The following BMPR2 variants were observed in gnomAD, a reference collection of about 807,000 sequenced individuals.
BMPR2 encodes bone morphogenetic protein receptor type-2.
BMPR2 carries 29 observed loss-of-function variants against 100.8 expected under a neutral mutation model. The ratio of observed to expected loss-of-function variants is 0.29; its 90% CI spans 0.21 to 0.39. The LOEUF is 0.39. Ranked by LOEUF, BMPR2 falls within the 10% of genes least tolerant of loss-of-function variation. The pLI, the probability that BMPR2 is intolerant of heterozygous loss-of-function variation, is 1.00. For synonymous variants in BMPR2, 382 were observed against 442.3 expected (o/e 0.86, Z 1.71); for missense variants, 1,011 against 1,274.5 (o/e 0.79, Z 3.15).
At chr2:202,479,396 G>A (rs955600640) in intron 3 of BMPR2, among the ~76,000 whole-genome samples, 2 of 152,110 alleles carry the variant, frequency 1.3e-5, no homozygotes, top group African/African-American at 4.8e-5. Context: ...AAAAGATCCT[G>A]GCAGAGCACT....
chr2:202,384,077 C>A (rs898312472), intron 1 of BMPR2, among the ~76,000 whole-genome samples: 6 of 151,734 alleles, frequency 4.0e-5, no homozygotes, highest in African/African-American at 1.2e-4. Context: ...GAGGCTGAGG[C>A]AGGAGAATCA....
At chr2:202,429,351 A>G (rs1273540623) in intron 1 of BMPR2, among the ~76,000 whole-genome samples, 1 of 352 alleles carries the variant, frequency 2.8e-3, no homozygotes, top group Non-Finnish European at 0.013. Flanking sequence ...ATCATTTCCT[A>G]CTACTACTCC....
chr2:202,410,306 A>G (rs1000267781), intron 1 of BMPR2, among the ~76,000 whole-genome samples: 1 of 152,078 alleles, frequency 6.6e-6, no homozygotes, highest in Admixed American at 6.6e-5. Flanking sequence ...TTTCTAAATA[A>G]CATTCTCCAC....
rs547924780 is a variant in BMPR2, at chr2:202,494,330, A to G, written c.419-19389A>G. 2.6e-5 allele frequency among the ~76,000 whole-genome samples: 4 copies of G among 152,324 alleles called. No individual in the cohort carries two copies. In the South Asian group the frequency reaches 6.2e-4, roughly 24 times the overall value. On this transcript the variant is annotated intron_variant, in intron 3 of 12. Coordinates refer to ENST00000374580, the MANE Select transcript of BMPR2 (RefSeq NM_001204.7). ...AAAAGATTAAGGAGCTGACATAACC[A>G]CTAGTGTGTTATATTTAAGCTTCCC... is the stretch of plus-strand genomic sequence containing the variant.
At chr2:202,420,460 G>T (rs1344185227) in intron 1 of BMPR2, among the ~76,000 whole-genome samples, 1 of 151,708 alleles carries the variant, frequency 6.6e-6, no homozygotes, top group Non-Finnish European at 1.5e-5. Context: ...GAAGGATGAG[G>T]CCTGCTAACA....
At chr2:202,469,439 T>C (rs1358020811) in intron 3 of BMPR2, 2 of 279,340 alleles carry the variant, frequency 7.2e-6, no homozygotes, top group Non-Finnish European at 1.4e-5. Flanking sequence ...CTTCACAGTA[T>C]ACGCAAACTG....
chr2:202,405,240 A>G (rs1424281426), intron 1 of BMPR2, among the ~76,000 whole-genome samples: 1 of 152,182 alleles, frequency 6.6e-6, no homozygotes, highest in East Asian at 1.9e-4. Flanking sequence ...AGATACAGTA[A>G]TTAGAACTGT....
intron 7 of BMPR2, among the ~76,000 whole-genome samples, chr2:202,528,382 T>C (rs1035815885): frequency 1.6e-4 from 24 of 152,084 alleles, no homozygotes; most frequent in Non-Finnish European, 3.1e-4. Context: ...AGAGACAGGG[T>C]TTCACTGTGT....
chr2:202,438,597 C>T (rs576233770), intron 1 of BMPR2, among the ~76,000 whole-genome samples: 1 of 150,504 alleles, frequency 6.6e-6, no homozygotes, highest in East Asian at 1.9e-4. Flanking sequence ...TTACTTATTA[C>T]GTTTTGCGTT....
intron 1 of BMPR2, among the ~76,000 whole-genome samples, chr2:202,425,471 A>G (rs1416639075): frequency 6.6e-6 from 1 of 152,244 alleles, no homozygotes; most frequent in Non-Finnish European, 1.5e-5. Flanking sequence ...ATACAAGAGT[A>G]TGTTATAATC....
chr2:202,545,523 A>G (rs1208544735), intron 10 of BMPR2, among the ~76,000 whole-genome samples: 1 of 152,166 alleles, frequency 6.6e-6, no homozygotes, highest in Non-Finnish European at 1.5e-5. Flanking sequence ...AAATTATTTT[A>G]CTATGTATTT....
intron 1 of BMPR2, among the ~76,000 whole-genome samples, chr2:202,446,149 C>G (rs1691844077): frequency 6.6e-6 from 1 of 150,424 alleles, no homozygotes; most frequent in South Asian, 2.1e-4. Context: ...GCCTGTAATC[C>G]CGGCACTTTG....
intron 12 of BMPR2, among the ~76,000 whole-genome samples, chr2:202,559,427 T>C (rs1018273353): frequency 6.6e-6 from 1 of 152,152 alleles, no homozygotes; most frequent in African/African-American, 2.4e-5. Flanking sequence ...AGCTGAGAAG[T>C]TTAAATGTTC....
At chr2:202,470,356 A>T (rs1418332741) in intron 3 of BMPR2, among the ~76,000 whole-genome samples, 1 of 152,114 alleles carries the variant, frequency 6.6e-6, no homozygotes, top group Non-Finnish European at 1.5e-5. Flanking sequence ...AGATAAAAAT[A>T]AAAAAAAGGA....
At chr2:202,519,854 TTA>T (rs1467880833) in intron 6 of BMPR2, among the ~76,000 whole-genome samples, 2 of 152,200 alleles carry the variant, frequency 1.3e-5, no homozygotes, top group Non-Finnish European at 2.9e-5. Flanking sequence ...ATTTTTAATA[TTA>T]GAGACATAAA....
chr2:202,501,998 G>A (rs1415529069), intron 3 of BMPR2, among the ~76,000 whole-genome samples: 1 of 152,216 alleles, frequency 6.6e-6, no homozygotes, highest in Non-Finnish European at 1.5e-5. Context: ...TTACACCATA[G>A]TTAGTGATGT....
At chr2:202,539,041 G>A (rs1688221599) in intron 9 of BMPR2, among the ~76,000 whole-genome samples, 1 of 152,090 alleles carries the variant, frequency 6.6e-6, no homozygotes, top group Admixed American at 6.6e-5. Flanking sequence ...AGAAAAATAG[G>A]TGAATAATGA....
At chr2:202,413,634 T>A (rs1426030347) in intron 1 of BMPR2, among the ~76,000 whole-genome samples, 4 of 151,976 alleles carry the variant, frequency 2.6e-5, no homozygotes, top group African/African-American at 9.7e-5. Flanking sequence ...TATTACATAT[T>A]GTTCATTATA....
chr2:202,500,462 G>A (rs924606451), intron 3 of BMPR2, among the ~76,000 whole-genome samples: 3 of 152,140 alleles, frequency 2.0e-5, no homozygotes, highest in African/African-American at 7.2e-5. Flanking sequence ...ACTTGAGGAG[G>A]GAATCAACCC....
Sources: allele counts gnomAD v4.1 joint callset (sites outside exome capture counted in the v4.1 genomes callset), GRCh38; gene constraint gnomAD v4.1.1; transcripts MANE v1.5; gene names NCBI Gene and HGNC (gene_info 2026-07-23, HGNC 2026-07-21).